The following PTPN3 variants were observed in gnomAD, a reference collection of about 807,000 sequenced individuals.
PTPN3 encodes the protein tyrosine-protein phosphatase non-receptor type 3.
Under a neutral mutation model 132.7 loss-of-function variants are expected in PTPN3, and 96 were observed. That is an observed-to-expected ratio of 0.72 (90% confidence interval 0.61 to 0.86). The LOEUF (loss-of-function observed/expected upper bound fraction) is 0.86. Among genes scored for constraint, PTPN3 ranks in the 40% least tolerant of loss-of-function variants. The pLI is 0.00. For synonymous variants in PTPN3, 398 were observed against 429.0 expected (o/e 0.93, Z 0.89); for missense variants, 1,125 against 1,159.6 (o/e 0.97, Z 0.43).
chr9:109,425,808 T>C (rs1404828197), intron 12 of PTPN3, among the ~76,000 whole-genome samples: 1 of 151,612 alleles, frequency 6.6e-6, no homozygotes, highest in East Asian at 1.9e-4. Flanking sequence ...AGGTCAGGAA[T>C]TCGAGACCAG....
intron 8 of PTPN3, among the ~76,000 whole-genome samples, chr9:109,437,614 G>A (rs1324783571): frequency 6.6e-6 from 1 of 152,182 alleles, no homozygotes; most frequent in Non-Finnish European, 1.5e-5. Context: ...TGTTGGAGCT[G>A]AGGCTCGCAA....
chr9:109,426,567 G>A (rs1228490856), intron 12 of PTPN3, among the ~76,000 whole-genome samples: 1 of 152,132 alleles, frequency 6.6e-6, no homozygotes, highest in Non-Finnish European at 1.5e-5. Flanking sequence ...TTTTTATAGA[G>A]CATCTTATGG....
chr9:109,432,309 T>C (rs897962258), intron 10 of PTPN3, among the ~76,000 whole-genome samples: 5 of 151,950 alleles, frequency 3.3e-5, no homozygotes, highest in Admixed American at 2.0e-4. Flanking sequence ...TTATCCCCAT[T>C]CCCTAACTTC....
intron 10 of PTPN3, among the ~76,000 whole-genome samples, chr9:109,431,388 C>A (rs755152153): frequency 7.9e-5 from 12 of 152,238 alleles, no homozygotes; most frequent in Non-Finnish European, 1.0e-4. Context: ...CCTGTGGCAC[C>A]TGGAGGAAGC....
chr9:109,509,377 G>T, the PTPN3 span, among the ~76,000 whole-genome samples: 2 of 152,074 alleles, frequency 1.3e-5, no homozygotes, highest in Admixed American at 1.3e-4. Context: ...TCAATCCTGC[G>T]CAATCTGCAG....
upstream of PTPN3, among the ~76,000 whole-genome samples, chr9:109,501,005 A>G (rs1847858319): frequency 6.6e-6 from 1 of 152,154 alleles, no homozygotes; most frequent in Admixed American, 6.5e-5. Context: ...CAAGACTGGA[A>G]GGAAATATGG....
At chr9:109,381,873 A>C in intron 24 of PTPN3, 86 bp from the exon 25 acceptor site, 1 of 1,511,864 alleles carries the variant, frequency 6.6e-7, no homozygotes. Flanking sequence ...CTGACTCCAA[A>C]GGGGCTTTCC....
intron 7 of PTPN3, among the ~76,000 whole-genome samples, chr9:109,440,967 A>T (rs1225336291): frequency 6.6e-6 from 1 of 152,310 alleles, no homozygotes; most frequent in East Asian, 1.9e-4. Flanking sequence ...CATCGATTTC[A>T]ATGATGTCAT....
At chr9:109,468,131 G>A (rs1168118461) in intron 1 of PTPN3, among the ~76,000 whole-genome samples, 1 of 152,100 alleles carries the variant, frequency 6.6e-6, no homozygotes, top group African/African-American at 2.4e-5. Flanking sequence ...ACAGCAATTG[G>A]GGAACTCAGG....
chr9:109,509,996 A>G, the PTPN3 span, among the ~76,000 whole-genome samples: 1 of 152,230 alleles, frequency 6.6e-6, no homozygotes, highest in African/African-American at 2.4e-5. Context: ...ATGGGGATAG[A>G]CAAGGCCTGT....
At chr9:109,388,972 G>C (rs2131619839) in intron 22 of PTPN3, among the ~76,000 whole-genome samples, 1 of 152,308 alleles carries the variant, frequency 6.6e-6, no homozygotes, top group African/African-American at 2.4e-5. Flanking sequence ...CCACGTCACT[G>C]CAGGGGTGTT....
At chr9:109,452,622 T>C (rs1845332269) in intron 5 of PTPN3, among the ~76,000 whole-genome samples, 1 of 151,780 alleles carries the variant, frequency 6.6e-6, no homozygotes, top group Admixed American at 6.6e-5. Context: ...CTGGAGTACA[T>C]GGCTTGATCA....
At chr9:109,451,683 G>C (rs1002893596) in intron 5 of PTPN3, among the ~76,000 whole-genome samples, 2 of 152,222 alleles carry the variant, frequency 1.3e-5, no homozygotes, top group African/African-American at 4.8e-5. Context: ...TCAGCTCCCA[G>C]AGAAGTGGGC....
At chr9:109,479,936 CCCA>C (rs1468700096) in intron 1 of PTPN3, among the ~76,000 whole-genome samples, 1 of 152,188 alleles carries the variant, frequency 6.6e-6, no homozygotes, top group African/African-American at 2.4e-5. Context: ...ATTTTACATT[CCCA>C]CCACAATATA....
intron 14 of PTPN3, among the ~76,000 whole-genome samples, chr9:109,415,372 T>C (rs1842412801): frequency 6.6e-6 from 1 of 152,074 alleles, no homozygotes. Context: ...GATGAATTAA[T>C]AGGAGTTTGA....
chr9:109,401,569 C>A (rs1433409632), intron 19 of PTPN3, among the ~76,000 whole-genome samples: 1 of 152,200 alleles, frequency 6.6e-6, no homozygotes, highest in Non-Finnish European at 1.5e-5. Context: ...GAGCCACCTG[C>A]GTGAAGGAGG....
intron 1 of PTPN3, among the ~76,000 whole-genome samples, chr9:109,476,091 T>C (rs751286548): frequency 2.0e-5 from 3 of 152,198 alleles, no homozygotes; most frequent in Non-Finnish European, 2.9e-5. Context: ...AGCTTTAAAA[T>C]CCTCTGCCTG....
chr9:109,436,784 A>G, intron 9 of PTPN3, 99 bp downstream of exon 9: 3 of 1,492,330 alleles, frequency 2.0e-6, no homozygotes, highest in Non-Finnish European at 2.7e-6. Context: ...AAGTCCTGTT[A>G]TAATGAAAAA....
chr9:109,384,503 C>T (rs1168675259), intron 22 of PTPN3, among the ~76,000 whole-genome samples: 4 of 152,202 alleles, frequency 2.6e-5, no homozygotes, highest in South Asian at 2.1e-4. Context: ...GTGCTGTCCG[C>T]ACAGACGGGC....
Sources: allele counts gnomAD v4.1 joint callset (sites outside exome capture counted in the v4.1 genomes callset), GRCh38; gene constraint gnomAD v4.1.1; transcripts MANE v1.5; gene names NCBI Gene and HGNC (gene_info 2026-07-23, HGNC 2026-07-21).